Variants in SLC44A1 observed in about 807,000 individuals in gnomAD.
SLC44A1 encodes choline transporter-like protein 1.
Under a neutral mutation model 79.3 loss-of-function variants are expected in SLC44A1, and 26 were observed. That is an observed-to-expected ratio of 0.33 (90% CI 0.24 to 0.46). The LOEUF is 0.46. Ranked by LOEUF, SLC44A1 falls within the 20% of genes least tolerant of loss-of-function variation. SLC44A1 has a pLI of 1.00. For missense variants in SLC44A1, 688 were observed against 798.1 expected, an observed-to-expected ratio of 0.86 and a Z score of 1.66; for synonymous variants, 263 against 286.2, an observed-to-expected ratio of 0.92 and a Z score of 0.82.
chr9:105,409,854 A>T (rs111921059), intron 15 of SLC44A1, among the ~76,000 whole-genome samples: 1,886 of 152,308 alleles, frequency 0.012, 49 homozygotes, highest in African/African-American at 0.043. Context: ...GAAGAGCATC[A>T]TACACCAACT....
chr9:105,371,506 TG>T (rs1416501114), intron 12 of SLC44A1, among the ~76,000 whole-genome samples: 142 of 151,906 alleles, frequency 9.3e-4, no homozygotes, highest in Middle Eastern at 3.4e-3. Flanking sequence ...GGAGGCCTTG[TG>T]GATCACAAGG....
intron 1 of SLC44A1, among the ~76,000 whole-genome samples, chr9:105,257,968 C>G (rs1282099952): frequency 6.6e-6 from 1 of 152,200 alleles, no homozygotes. Flanking sequence ...GACAGCATAA[C>G]TGCACCTGAA....
At chr9:105,299,697 G>A in intron 2 of SLC44A1, 1 of 701,878 alleles carries the variant, frequency 1.4e-6, no homozygotes, top group Non-Finnish European at 1.8e-6. Flanking sequence ...CTTCCTAGAT[G>A]GGAGGCTGGT....
At position 105,396,598 on chromosome 9, in the gene SLC44A1, C is replaced by G. The variant is rs2131493668; in HGVS notation, c.*7542C>G. 1 of 985,396 alleles carries G rather than the reference C, an allele frequency of 1.0e-6. No homozygotes were observed. The highest frequency in any genetic ancestry group is 4.7e-5 in the South Asian group (1 of 21,286). 61.0% of individuals were successfully genotyped at this position (985,396 alleles called of 1,614,324 possible). A position where few individuals can be genotyped will look rare whatever the true frequency, so the allele number is the denominator to read the frequency against. Reference sequence around the variant, plus strand: ...TTCACATCCAGTGTCAAGCCCAGCCCAGCATATGGGGTGATATGAGCAGAA... The same window carrying G: ...TTCACATCCAGTGTCAAGCCCAGCCGAGCATATGGGGTGATATGAGCAGAA... On this transcript the variant is annotated 3_prime_UTR_variant, in exon 16 of 16. Transcript: ENST00000374720.
Position 105,394,521 on chromosome 9 carries a change from A to T in SLC44A1, c.*5465A>T, listed in dbSNP as rs568672360. The T allele has an allele frequency of 2.7e-4, 252 of 925,820 alleles. No homozygotes were observed. The African/African-American group carries it at 4.2e-3, about 16-fold the overall frequency. 57.4% of individuals were successfully genotyped at this position (925,820 alleles called of 1,614,324 possible). A position where few individuals can be genotyped will look rare whatever the true frequency, so the allele number is the denominator to read the frequency against. On this transcript the variant is annotated 3_prime_UTR_variant, in exon 16 of 16. Transcript: ENST00000374720. ...ATTTGCAGTGAGCCAAAAAAAAAAAAATATCCAAGAAGAAATAAATAGGGA... is the reference window on the plus strand; with the variant it reads ...ATTTGCAGTGAGCCAAAAAAAAAAATATATCCAAGAAGAAATAAATAGGGA...
At chr9:105,251,831 A>G (rs749622919) in intron 1 of SLC44A1, among the ~76,000 whole-genome samples, 10 of 152,176 alleles carry the variant, frequency 6.6e-5, no homozygotes, top group Non-Finnish European at 1.2e-4. Flanking sequence ...AAACTAGGCC[A>G]TGTCTCCTCA....
At chr9:105,362,069 C>A (rs567488782) in intron 8 of SLC44A1, among the ~76,000 whole-genome samples, 28 of 151,454 alleles carry the variant, frequency 1.8e-4, no homozygotes, top group Non-Finnish European at 3.8e-4. Context: ...TGTGCGCGCG[C>A]GCGCGTGTGT....
intron 15 of SLC44A1, among the ~76,000 whole-genome samples, chr9:105,432,280 G>A (rs981992904): frequency 6.6e-6 from 1 of 152,156 alleles, no homozygotes; most frequent in African/African-American, 2.4e-5. Flanking sequence ...TTTTTGAAAA[G>A]TTGATTTATA....
intron 15 of SLC44A1, among the ~76,000 whole-genome samples, chr9:105,413,671 A>C (rs1337976741): frequency 6.6e-6 from 1 of 152,236 alleles, no homozygotes; most frequent in Non-Finnish European, 1.5e-5. Flanking sequence ...GTTTCTGTTA[A>C]ATGCAGCTGA....
At chr9:105,289,000 A>G (rs1830540276) in intron 1 of SLC44A1, among the ~76,000 whole-genome samples, 1 of 152,226 alleles carries the variant, frequency 6.6e-6, no homozygotes, top group Non-Finnish European at 1.5e-5. Flanking sequence ...TTTTTCTCAT[A>G]TAATCCATTA....
intron 15 of SLC44A1, among the ~76,000 whole-genome samples, chr9:105,419,744 A>T (rs943062875): frequency 2.0e-5 from 3 of 151,778 alleles, no homozygotes; most frequent in Non-Finnish European, 2.9e-5. Flanking sequence ...ATGAAACCTC[A>T]TCTCTACTAA....
At chr9:105,372,516 C>G (rs961547776) in intron 12 of SLC44A1, among the ~76,000 whole-genome samples, 4 of 151,964 alleles carry the variant, frequency 2.6e-5, no homozygotes, top group African/African-American at 7.2e-5. Context: ...TCTCAAACTC[C>G]TGACCTCAGG....
At chr9:105,304,243 G>A (rs555385010) in intron 2 of SLC44A1, among the ~76,000 whole-genome samples, 1 of 152,256 alleles carries the variant, frequency 6.6e-6, no homozygotes, top group East Asian at 1.9e-4. Flanking sequence ...TGTTGAGCGT[G>A]CAGAACAGAG....
At chr9:105,438,231 T>C in intron 15 of SLC44A1, 1 of 1,515,406 alleles carries the variant, frequency 6.6e-7, no homozygotes, top group South Asian at 1.2e-5. Flanking sequence ...TCTCATTGTG[T>C]CATGTTCCCC....
At position 105,392,822 on chromosome 9, in the gene SLC44A1, TG is replaced by T; in HGVS notation, c.*3768del. On this transcript the variant is annotated 3_prime_UTR_variant, in exon 16 of 16. Coordinates refer to ENST00000374720, the MANE Select transcript of SLC44A1 (RefSeq NM_080546.5). ...TGACTTGAATATTTTATTTGATTTT[TG>T]GTCAGTAACCTTGTCATTTAAATTG... 1 of 985,466 alleles carries T rather than the reference TG, an allele frequency of 1.0e-6. No homozygotes were observed. The highest frequency in any genetic ancestry group is 1.2e-6 in the Non-Finnish European group (1 of 829,924). The allele number at this position is 985,466 out of a possible 1,614,324, so 61.0% of individuals were successfully genotyped here. A position where few individuals can be genotyped will look rare whatever the true frequency, so the allele number is the denominator to read the frequency against.
At chr9:105,268,685 A>G (rs375958262) in intron 1 of SLC44A1, among the ~76,000 whole-genome samples, 18 of 152,036 alleles carry the variant, frequency 1.2e-4, no homozygotes, top group African/African-American at 4.3e-4. Context: ...TATTTAGTAG[A>G]GACAAGGTTT....
chr9:105,421,827 T>G (rs960660212), intron 15 of SLC44A1, among the ~76,000 whole-genome samples: 6 of 152,220 alleles, frequency 3.9e-5, no homozygotes, highest in African/African-American at 1.4e-4. Context: ...GACCTCTTGA[T>G]CCACCCGCCT....
At chr9:105,346,462 G>A (rs571796931) in intron 4 of SLC44A1, among the ~76,000 whole-genome samples, 1 of 152,210 alleles carries the variant, frequency 6.6e-6, no homozygotes, top group South Asian at 2.1e-4. Context: ...TTTGTTTTGT[G>A]CAAATCGATT....
intron 15 of SLC44A1, chr9:105,386,867 C>G (rs1413675122): frequency 6.8e-5 from 1 of 14,776 alleles, no homozygotes; most frequent in South Asian, 3.4e-3. Context: ...TACTAAAATA[C>G]CAAAAAAAAA....
Sources: allele counts gnomAD v4.1 joint callset (sites outside exome capture counted in the v4.1 genomes callset), GRCh38; gene constraint gnomAD v4.1.1; transcripts MANE v1.5; gene names NCBI Gene and HGNC (gene_info 2026-07-23, HGNC 2026-07-21).